Variants in CADPS observed in about 807,000 individuals in gnomAD.
CADPS encodes the protein calcium dependent secretion activator, also known as calcium-dependent secretion activator 1.
Under a neutral mutation model 167.3 loss-of-function variants are expected in CADPS, and 57 were observed. That is an observed-to-expected ratio of 0.34 (90% confidence interval 0.28 to 0.42). The LOEUF is 0.42. Ranked by LOEUF, CADPS falls within the 20% of genes least tolerant of loss-of-function variation. The pLI, the probability that CADPS is intolerant of heterozygous loss-of-function variation, is 1.00. For synonymous variants in CADPS, 676 were observed against 635.3 expected (o/e 1.06, Z -0.96); for missense variants, 1,414 against 1,738.1 (o/e 0.81, Z 3.32).
chr3:62,846,941 T>G (rs560210816), intron 1 of CADPS, among the ~76,000 whole-genome samples: 53 of 152,332 alleles, frequency 3.5e-4, no homozygotes, highest in Non-Finnish European at 6.9e-4. Context: ...GTGCTGGGAT[T>G]ACAGGCATGA....
chr3:62,627,661 A>C (rs2064359096), intron 6 of CADPS, among the ~76,000 whole-genome samples: 1 of 152,142 alleles, frequency 6.6e-6, no homozygotes, highest in Non-Finnish European at 1.5e-5. Context: ...GTATATATCC[A>C]CATTACTTAT....
At chr3:62,767,958 C>T (rs926932652) in intron 1 of CADPS, among the ~76,000 whole-genome samples, 9 of 152,164 alleles carry the variant, frequency 5.9e-5, no homozygotes, top group African/African-American at 1.9e-4. Context: ...ACCCGTACAA[C>T]ATATCTCAAT....
At chr3:62,540,360 T>C (rs532601626) in intron 11 of CADPS, among the ~76,000 whole-genome samples, 8 of 152,110 alleles carry the variant, frequency 5.3e-5, no homozygotes, top group African/African-American at 1.4e-4. Flanking sequence ...GTAGATAACA[T>C]GTTCTGTGAG....
Position 62,875,195 on chromosome 3 carries a change from C to T in CADPS, c.-166G>A, listed in dbSNP as rs948770148. 2 of 945,912 alleles carry T rather than the reference C, an allele frequency of 2.1e-6. No individual in the cohort carries two copies. Among genetic ancestry groups the T allele is most frequent in the Non-Finnish European group, 1.4e-6 (1 of 722,906 alleles). 58.6% of individuals were successfully genotyped at this position (945,912 alleles called of 1,614,324 possible). On this transcript the variant is annotated 5_prime_UTR_variant, in exon 1 of 30. Coordinates refer to ENST00000383710, the MANE Select transcript of CADPS (RefSeq NM_003716.4). ...TCGGCCGCCGCGACTGATCCTCTGCCCGGCGGTCGCGAGCTGGGCTCAGAC... is the reference window on the plus strand; with the variant it reads ...TCGGCCGCCGCGACTGATCCTCTGCTCGGCGGTCGCGAGCTGGGCTCAGAC...
intron 3 of CADPS, among the ~76,000 whole-genome samples, chr3:62,690,081 GT>G (rs2078829033): frequency 1.2e-4 from 18 of 151,924 alleles, no homozygotes; most frequent in Admixed American, 7.9e-4. Context: ...GAGTAAAGGT[GT>G]GTTTGACTGT....
intron 6 of CADPS, among the ~76,000 whole-genome samples, chr3:62,640,452 T>A (rs185123917): frequency 9.5e-4 from 144 of 152,290 alleles, no homozygotes; most frequent in Non-Finnish European, 1.0e-4. Flanking sequence ...GAGTAATATA[T>A]TTCACAGAAG....
intron 7 of CADPS, among the ~76,000 whole-genome samples, chr3:62,587,553 G>C (rs960318613): frequency 2.0e-5 from 3 of 152,114 alleles, no homozygotes; most frequent in Admixed American, 6.5e-5. Flanking sequence ...CCCCATCCAG[G>C]GCCAGAACCG....
At chr3:62,606,743 G>C (rs1024507336) in intron 6 of CADPS, among the ~76,000 whole-genome samples, 1 of 152,198 alleles carries the variant, frequency 6.6e-6, no homozygotes, top group Admixed American at 6.5e-5. Context: ...GGCTTAAAAT[G>C]GTGCTTGAGT....
Position 62,558,439 on chromosome 3 carries a change from C to T in CADPS, c.1645-926G>A, listed in dbSNP as rs187303193. On this transcript the variant is annotated intron_variant, in intron 9 of 29. Transcript: ENST00000383710. ...AAGCAAGCATCCTCCTAGCTTTGGGCTAAATGCTCTCAGGCATATTTACTA... is the reference window on the plus strand; with the variant it reads ...AAGCAAGCATCCTCCTAGCTTTGGGTTAAATGCTCTCAGGCATATTTACTA... Among the ~76,000 whole-genome samples the T allele has an allele frequency of 5.3e-5, 8 of 152,324 alleles. No individual in the cohort carries two copies. The East Asian group carries it at 1.4e-3, about 26-fold the overall frequency.
At chr3:62,625,836 C>T (rs1192598651) in intron 6 of CADPS, 1 of 151,010 alleles carries the variant, frequency 6.6e-6, no homozygotes, top group African/African-American at 2.5e-5. Flanking sequence ...CAGAAGCAAT[C>T]TGCAGTTTTC....
At chr3:62,697,311 G>A (rs544746590) in intron 3 of CADPS, among the ~76,000 whole-genome samples, 4 of 151,894 alleles carry the variant, frequency 2.6e-5, no homozygotes, top group African/African-American at 9.7e-5. Flanking sequence ...TAATTCTTAT[G>A]CCTTTGCATC....
In CADPS at chr3:62,753,039, G is replaced by A. The variant is rs2083043723; in HGVS notation, c.888+402C>T. 6.6e-6 allele frequency among the ~76,000 whole-genome samples: 1 copy of A among 152,160 alleles called. No homozygotes were observed. The highest frequency in any genetic ancestry group is 2.4e-5 in the African/African-American group (1 of 41,440). On this transcript the variant is annotated intron_variant, in intron 3 of 29. Coordinates refer to ENST00000383710, the MANE Select transcript of CADPS (RefSeq NM_003716.4). The surrounding 1 kb of genome is among the most constrained non-coding windows in gnomAD (Gnocchi z 4.6). The stretch of plus-strand genomic sequence containing the variant: ...TTAAAAAATTATTCTTGACAGGCAG[G>A]TGCTAAGTTCAGTAGTCTTCCCAGC...
At chr3:62,620,518 C>A (rs2149464501) in intron 6 of CADPS, among the ~76,000 whole-genome samples, 1 of 152,272 alleles carries the variant, frequency 6.6e-6, no homozygotes, top group Admixed American at 6.5e-5. Flanking sequence ...AACACAGTGT[C>A]TTGTTTAATT....
At chr3:62,657,364 T>C (rs544777490) in intron 4 of CADPS, among the ~76,000 whole-genome samples, 22 of 152,280 alleles carry the variant, frequency 1.4e-4, no homozygotes, top group African/African-American at 5.3e-4. Context: ...AGCTGTATGA[T>C]TTGTCTTAAA....
At chr3:62,512,258 C>T (rs2068003527) in intron 17 of CADPS, among the ~76,000 whole-genome samples, 1 of 152,108 alleles carries the variant, frequency 6.6e-6, no homozygotes, top group Admixed American at 6.6e-5. Context: ...CCAGCAACAG[C>T]CCCTGTTCGG....
intron 6 of CADPS, among the ~76,000 whole-genome samples, chr3:62,638,009 A>G (rs1468498375): frequency 6.6e-6 from 1 of 151,816 alleles, no homozygotes; most frequent in Non-Finnish European, 1.5e-5. Flanking sequence ...TCGTCCATCT[A>G]AACAAGAATA....
At chr3:62,608,936 G>A (rs1028236031) in intron 6 of CADPS, among the ~76,000 whole-genome samples, 3 of 152,136 alleles carry the variant, frequency 2.0e-5, no homozygotes, top group African/African-American at 4.8e-5. Context: ...TAAAGTAAGA[G>A]AGCAAATATT....
At chr3:62,552,208 T>C (rs899572759) in intron 10 of CADPS, among the ~76,000 whole-genome samples, 119 of 119,418 alleles carry the variant, frequency 1.0e-3, no homozygotes, top group African/African-American at 3.8e-3. Context: ...AAGGGGAACA[T>C]CACACACCGG....
chr3:62,701,403 G>A (rs1271022583), intron 3 of CADPS, among the ~76,000 whole-genome samples: 6 of 152,002 alleles, frequency 3.9e-5, no homozygotes, highest in Admixed American at 3.9e-4. Flanking sequence ...CACTGCTTCT[G>A]GACTATGACA....
Sources: allele counts gnomAD v4.1 joint callset (sites outside exome capture counted in the v4.1 genomes callset), GRCh38; gene constraint gnomAD v4.1.1; non-coding constraint Gnocchi (gnomAD v3.1); transcripts MANE v1.5; gene names NCBI Gene and HGNC (gene_info 2026-07-23, HGNC 2026-07-21).